PHF20L1: variants seen among roughly 807,000 people sequenced by gnomAD.
PHF20L1 encodes PHD finger protein 20-like protein 1.
A neutral mutation model predicts 125.5 loss-of-function variants in PHF20L1; 44 were observed. The ratio of observed to expected loss-of-function variants is 0.35; its 90% CI spans 0.28 to 0.45. PHF20L1 has a LOEUF of 0.45. Ranked by LOEUF, PHF20L1 falls within the 20% of genes least tolerant of loss-of-function variation. The pLI is 1.00. For synonymous variants in PHF20L1, 380 were observed against 403.1 expected, an observed-to-expected ratio of 0.94 and a Z score of 0.69; for missense variants, 1,012 against 1,217.2, an observed-to-expected ratio of 0.83 and a Z score of 2.51.
chr8:132,833,003 G>A (rs1836941861), intron 15 of PHF20L1, among the ~76,000 whole-genome samples: 1 of 152,034 alleles, frequency 6.6e-6, no homozygotes, highest in Non-Finnish European at 1.5e-5. Context: ...TTTCCTGCAG[G>A]TCCAGTCCTG....
chr8:132,842,978 C>A (rs1480176320), intron 19 of PHF20L1, 103 bp downstream of exon 19: 3 of 1,467,204 alleles, frequency 2.0e-6, no homozygotes, highest in Non-Finnish European at 2.7e-6. Context: ...AGTTGTATTT[C>A]CAAGTTCCCC....
At chr8:132,832,112 A>G (rs145435250) in intron 14 of PHF20L1, 123 bp from the exon 15 acceptor site, 8 of 673,696 alleles carry the variant, frequency 1.2e-5, no homozygotes, top group Middle Eastern at 7.6e-4. Flanking sequence ...CTTTTCATGG[A>G]TGAGAAGCGA....
chr8:132,825,066 A>G, intron 13 of PHF20L1, 198 bp from the exon 14 acceptor site: 4 of 1,485,024 alleles, frequency 2.7e-6, no homozygotes, highest in Non-Finnish European at 3.6e-6. Flanking sequence ...CAGCACTGCT[A>G]ATGAAGATCC....
At chr8:132,805,253 C>G (rs896339611) in intron 8 of PHF20L1, among the ~76,000 whole-genome samples, 1 of 151,696 alleles carries the variant, frequency 6.6e-6, no homozygotes, top group Non-Finnish European at 1.5e-5. Flanking sequence ...TTAATTTTTA[C>G]TCTTCAGGTT....
chr8:132,781,525 T>C (rs544148389), intron 2 of PHF20L1, among the ~76,000 whole-genome samples: 94 of 152,218 alleles, frequency 6.2e-4, no homozygotes, highest in African/African-American at 2.0e-3. Flanking sequence ...GCCTCTCAGG[T>C]TCAAGTGATT....
chr8:132,813,962 T>A (rs1834672332), intron 9 of PHF20L1, among the ~76,000 whole-genome samples: 1 of 151,910 alleles, frequency 6.6e-6, no homozygotes, highest in Admixed American at 6.6e-5. Flanking sequence ...TGTTTTTAAC[T>A]TACACTTTAT....
At chr8:132,786,487 A>G (rs549064401) in intron 2 of PHF20L1, among the ~76,000 whole-genome samples, 108 of 152,262 alleles carry the variant, frequency 7.1e-4, no homozygotes, top group African/African-American at 2.4e-3. Context: ...AAAATAGATA[A>G]CTTGATTTTT....
In PHF20L1 at chr8:132,812,602, C is replaced by T. The variant is rs1036971216; in HGVS notation, c.930+1474C>T. 1.2e-5 allele frequency: 12 copies of T among 982,612 alleles called. No homozygotes were observed. In the African/African-American group the frequency reaches 2.1e-4, roughly 17 times the overall value. The allele number at this position is 982,612 out of a possible 1,614,324, so 60.9% of individuals were successfully genotyped here. A position where few individuals can be genotyped will look rare whatever the true frequency, so the allele number is the denominator to read the frequency against. On this transcript the variant is annotated intron_variant, in intron 9 of 20. Transcript: ENST00000395386. ...AATTATTTTAGATTTTCAGGAACAC[C>T]ATGCCATTCCCTCATTTTCTACTTG...
intron 12 of PHF20L1, chr8:132,818,854 T>G (rs1835266805): frequency 6.6e-6 from 1 of 151,924 alleles, no homozygotes; most frequent in Non-Finnish European, 1.5e-5. Flanking sequence ...GTTATAAGGT[T>G]GTATATACAT....
At position 132,842,796 on chromosome 8, in the gene PHF20L1, T is replaced by C; in HGVS notation, c.2669T>C (p.Leu890Ser). 1 of 1,613,204 alleles carries C rather than the reference T, an allele frequency of 6.2e-7. No homozygotes were observed. The highest frequency in any genetic ancestry group is 8.5e-7 in the Non-Finnish European group (1 of 1,179,440). The change falls in exon 19 of 21, where the codon TTG becomes TCG. Residue 890 changes from leucine (L) to serine (S), a missense_variant. This residue lies in a region of PHF20L1 where 277 missense variants were observed against 283.6 expected (regional missense o/e 0.98). Coordinates refer to ENST00000395386, the MANE Select transcript of PHF20L1 (RefSeq NM_016018.5). ...TCAGATGATGATGATGTTAGTAGTT[T>C]GGAAGAAGAACAAGAATTCCACATG... ...GSSDDDDVSSLEEEQEFHMRS... is the reference protein window; with the variant it reads ...GSSDDDDVSSSEEEQEFHMRS...
chr8:132,796,940 C>T (rs1277406276), intron 4 of PHF20L1, among the ~76,000 whole-genome samples: 4 of 152,060 alleles, frequency 2.6e-5, no homozygotes, highest in African/African-American at 7.2e-5. Context: ...GCCTTCGTTA[C>T]ATGCTTAAAG....
chr8:132,811,901 T>C (rs1468619992), intron 9 of PHF20L1: 2 of 976,914 alleles, frequency 2.0e-6, no homozygotes, highest in Middle Eastern at 5.2e-4. Context: ...CTTTTCTTTA[T>C]TAGTAGCCTA....
Position 132,794,470 on chromosome 8 carries a change from G to A in PHF20L1, c.144G>A (p.Glu48=), listed in dbSNP as rs1832154273. 6.2e-7 allele frequency: 1 copy of A among 1,612,030 alleles called. No homozygotes were observed. Among genetic ancestry groups the A allele is most frequent in the Non-Finnish European group, 8.5e-7 (1 of 1,178,156 alleles). ...AGGGCAAGATGTTGGTCCATTTTGA[G>A]CGCTGGAGTCATCGTTATGATGAGT... ...YEEGKMLVHF[E]RWSHRYDEWI... The change falls in exon 3 of 21, where the codon GAG becomes GAA. Residue 48 remains glutamate (E), a synonymous_variant. Transcript: ENST00000395386.
intron 2 of PHF20L1, among the ~76,000 whole-genome samples, chr8:132,790,684 T>G (rs1831586258): frequency 2.0e-5 from 3 of 152,230 alleles, no homozygotes; most frequent in South Asian, 2.1e-4. Context: ...CTACTTATCT[T>G]GAAATCCTCC....
chr8:132,790,085 C>T (rs1563787498), intron 2 of PHF20L1, among the ~76,000 whole-genome samples: 1 of 152,108 alleles, frequency 6.6e-6, no homozygotes, highest in Non-Finnish European at 1.5e-5. Flanking sequence ...TAACAGCTTC[C>T]TATGATTCAA....
chr8:132,809,652 T>C (rs932875866), intron 8 of PHF20L1: 6 of 152,228 alleles, frequency 3.9e-5, no homozygotes, highest in Admixed American at 3.3e-4. Context: ...GTATAATTGC[T>C]GTAGTCAGTT....
intron 1 of PHF20L1, 36 bp from the exon 2 acceptor site, chr8:132,777,756 T>G (rs1829989477): frequency 3.3e-6 from 3 of 921,026 alleles, no homozygotes; most frequent in African/African-American, 3.3e-5. Flanking sequence ...CTATGCATTT[T>G]CTGCATTGGA....
chr8:132,792,665 T>C (rs1171746202), intron 2 of PHF20L1, among the ~76,000 whole-genome samples: 1 of 152,190 alleles, frequency 6.6e-6, no homozygotes, highest in Non-Finnish European at 1.5e-5. Flanking sequence ...AGTAGCAGTT[T>C]TGTGTCCTGT....
At chr8:132,789,497 G>A (rs1831431031) in intron 2 of PHF20L1, among the ~76,000 whole-genome samples, 1 of 152,134 alleles carries the variant, frequency 6.6e-6, no homozygotes, top group South Asian at 2.1e-4. Context: ...GTAGAATTGA[G>A]TATGTGAAAA....
Sources: allele counts gnomAD v4.1 joint callset (sites outside exome capture counted in the v4.1 genomes callset), GRCh38; gene constraint gnomAD v4.1.1; regional missense constraint gnomAD v4.1.1; transcripts MANE v1.5; gene names NCBI Gene and HGNC (gene_info 2026-07-23, HGNC 2026-07-21).